The following PSG1 variants were observed in gnomAD, a reference collection of about 807,000 sequenced individuals.
PSG1 encodes the protein pregnancy-specific beta-1-glycoprotein 1.
Under a neutral mutation model 41.4 loss-of-function variants are expected in PSG1, and 60 were observed. The ratio of observed to expected loss-of-function variants is 1.45; its 90% CI spans 1.18 to 1.80. The LOEUF is 1.80. Ranked by LOEUF, PSG1 falls within the 40% of genes most tolerant of loss-of-function variation. The probability of loss-of-function intolerance (pLI) is 0.00; values close to 1 mark genes in which losing one functional copy is unlikely to be tolerated. For missense variants in PSG1, 806 were observed against 516.9 expected (o/e 1.56, Z -5.42); for synonymous variants, 256 against 192.9 (o/e 1.33, Z -2.71).
chr19:42,868,882 G>C lies in PSG1; in HGVS notation c.862C>G (p.Arg288Gly), dbSNP rs12986075. ...QSLPVSPRVK[R>G]PIENRILILP... is the part of the protein sequence containing the mutation. ...ATGAGGATCCTGTTTTCAATGGGTC[G>C]CTTTACCCTGGGACTGACCGGGAGG... The change falls in exon 4 of 6, where the codon CGA becomes GGA. Residue 288 changes from arginine (R) to glycine (G), a missense_variant. Arg to Gly is a moderately radical substitution (Grantham distance 125). Transcript: ENST00000436291. The C allele has an allele frequency of 1.9e-6, 3 of 1,610,326 alleles. No individual in the cohort carries two copies. The South Asian group carries it at 3.3e-5, about 18-fold the overall frequency.
rs758859917 is a variant in PSG1 at position 42,867,059 on chromosome 19, G to C, written c.*75C>G. On this transcript the variant is annotated 3_prime_UTR_variant, in exon 6 of 6. Coordinates refer to ENST00000436291, the MANE Select transcript of PSG1 (RefSeq NM_001184825.2). ...TTGAGTTGTCCACCTCCAGCTTATA[G>C]GGCTTCTGGAACAGAGTGGGTCTTG... 1.3e-6 allele frequency: 1 copy of C among 771,772 alleles called. No homozygotes were observed. Among genetic ancestry groups the C allele is most frequent in the South Asian group, 1.3e-5 (1 of 74,370 alleles). 47.8% of individuals were successfully genotyped at this position (771,772 alleles called of 1,614,324 possible).
At position 42,879,237 on chromosome 19, in the gene PSG1, C is replaced by T. The variant is rs187719560; in HGVS notation, c.64+281G>A. 1.5e-4 allele frequency among the ~76,000 whole-genome samples: 22 copies of T among 149,488 alleles called. 2 individuals carry two copies. The highest frequency in any genetic ancestry group is 5.0e-4 in the African/African-American group (20 of 40,382). ...GTGCTATCTCAGCTATCTGCAACTT[C>T]TGCCTCCCGGGTTCACGTGATTCTC... On this transcript the variant is annotated intron_variant, in intron 1 of 5. Coordinates refer to ENST00000436291, the MANE Select transcript of PSG1 (RefSeq NM_001184825.2).
At chr19:42,873,700 C>A (rs1176850204) in intron 2 of PSG1, among the ~76,000 whole-genome samples, 1 of 151,524 alleles carries the variant, frequency 6.6e-6, no homozygotes, top group East Asian at 1.9e-4. Flanking sequence ...TAGAGAGAGT[C>A]CCATTGAAAG....
At chr19:42,877,186 G>A (rs1057341859) in intron 2 of PSG1, among the ~76,000 whole-genome samples, 5 of 151,658 alleles carry the variant, frequency 3.3e-5, no homozygotes, top group African/African-American at 1.2e-4. Context: ...CTGTGGACAA[G>A]CTGCTACCTG....
At chr19:42,867,884 T>A (rs1971199381) in intron 5 of PSG1, 1 of 1,406,812 alleles carries the variant, frequency 7.1e-7, no homozygotes. Flanking sequence ...ATGTTCTTCC[T>A]GCTTGGTCTA....
At chr19:42,867,653 A>ATAGT in intron 5 of PSG1, 1 of 749,706 alleles carries the variant, frequency 1.3e-6, no homozygotes, top group Non-Finnish European at 2.4e-6. Flanking sequence ...ATTCTCATGA[A>ATAGT]TAGTTGCCCA....
Position 42,868,165 on chromosome 19 carries a change from A to G in PSG1, c.1179T>C (p.Val393=), listed in dbSNP as rs368993574. 6.2e-7 allele frequency: 1 copy of G among 1,612,316 alleles called. No individual in the cohort carries two copies. The highest frequency in any genetic ancestry group is 1.3e-5 in the African/African-American group (1 of 74,698). Reference sequence around the variant, plus strand: ...CAGTGGCTGAGTTACGAACAGAGCAAACATAGAGCCCGCTATGCTTTGTAG... The same window carrying G: ...CAGTGGCTGAGTTACGAACAGAGCAGACATAGAGCCCGCTATGCTTTGTAG... ...HITTKHSGLY[V]CSVRNSATGK... is the part of the protein sequence containing the mutation. Residue 393 remains valine (V), a synonymous_variant, in exon 5 of 6, where the codon GTT becomes GTC. Coordinates refer to ENST00000436291, the MANE Select transcript of PSG1 (RefSeq NM_001184825.2).
In PSG1 at chr19:42,877,131, T is replaced by C. The variant is rs534933084; in HGVS notation, c.430+782A>G. Among the ~76,000 whole-genome samples, 74 of 151,824 alleles carry C rather than the reference T, an allele frequency of 4.9e-4. 1 individual carries two copies. Among genetic ancestry groups the C allele is most frequent in the Non-Finnish European group, 6.5e-4 (44 of 67,910 alleles). On this transcript the variant is annotated intron_variant, in intron 2 of 5. Coordinates refer to ENST00000436291, the MANE Select transcript of PSG1 (RefSeq NM_001184825.2). The stretch of plus-strand genomic sequence containing the variant: ...GTGGAGGTTTCACACAAACAGCATT[T>C]ATTATTAATTTGCTTCCATGAGAAA...
At chr19:42,872,835 A>T (rs1165281325) in intron 2 of PSG1, among the ~76,000 whole-genome samples, 1 of 151,860 alleles carries the variant, frequency 6.6e-6, no homozygotes, top group Admixed American at 6.6e-5. Context: ...TTCTAGAAAT[A>T]CATGTGGATC....
chr19:42,876,514 A>C (rs756546115), intron 2 of PSG1, among the ~76,000 whole-genome samples: 1 of 151,154 alleles, frequency 6.6e-6, no homozygotes, highest in Non-Finnish European at 1.5e-5. Context: ...TGGATCATTC[A>C]TTTCTTCATT....
At chr19:42,878,839 T>C (rs1374162721) in intron 1 of PSG1, among the ~76,000 whole-genome samples, 2 of 151,464 alleles carry the variant, frequency 1.3e-5, no homozygotes, top group Non-Finnish European at 2.9e-5. Flanking sequence ...TGCAGACTCC[T>C]GTAGATGTGA....
At chr19:42,878,396 C>T (rs1264385127) in intron 1 of PSG1, 118 bp from the exon 2 acceptor site, 16 of 1,381,638 alleles carry the variant, frequency 1.2e-5, no homozygotes, top group Non-Finnish European at 1.6e-5. Flanking sequence ...CAGACACACA[C>T]ACACATACAA....
rs1377765809 is a variant in PSG1 at position 42,868,352 on chromosome 19, C to A, written c.992G>T (p.Gly331Val). Residue 331 changes from glycine (G) to valine (V), a missense_variant, in exon 5 of 6, where the codon GGT becomes GTT. Transcript: ENST00000436291. Reference sequence around the variant, plus strand: ...AGGGTAAATTCTGGGGAGGTCTGGACCATCTGGAGCAAAGAGAATAAAGCC... The same window carrying A: ...AGGGTAAATTCTGGGGAGGTCTGGAACATCTGGAGCAAAGAGAATAAAGCC... Reference protein sequence around the residue: ...SDPVTLNVLYGPDLPRIYPSF... With the variant: ...SDPVTLNVLYVPDLPRIYPSF... The A allele has an allele frequency of 6.2e-7, 1 of 1,606,280 alleles. No individual in the cohort carries two copies. Among genetic ancestry groups the A allele is most frequent in the East Asian group, 2.2e-5 (1 of 44,704 alleles).
In PSG1 at chr19:42,873,241, T is replaced by C. The variant is rs149334160; in HGVS notation, c.431-1196A>G. ...GAAACTAAGTGTTTTGGATGTCTAA[T>C]TATTTTTTTATTTTGGAATATTTGC... is the stretch of plus-strand genomic sequence containing the variant. On this transcript the variant is annotated intron_variant, in intron 2 of 5. Coordinates refer to ENST00000436291, the MANE Select transcript of PSG1 (RefSeq NM_001184825.2). Among the ~76,000 whole-genome samples, 623 of 151,806 alleles carry C rather than the reference T, an allele frequency of 4.1e-3. 20 individuals carry two copies. Among genetic ancestry groups the C allele is most frequent in the African/African-American group, 0.015 (610 of 41,388 alleles).
intron 2 of PSG1, among the ~76,000 whole-genome samples, 172 bp from the exon 3 acceptor site, chr19:42,872,217 TTG>T (rs1419437729): frequency 6.6e-6 from 1 of 151,460 alleles, no homozygotes; most frequent in Non-Finnish European, 1.5e-5. Context: ...GGCTCAGAGA[TTG>T]TGAGGCTGCC....
In PSG1 at chr19:42,879,583, G is replaced by A. The variant is rs754217254; in HGVS notation, c.-2C>T. 1 of 1,610,290 alleles carries A rather than the reference G, an allele frequency of 6.2e-7. No individual in the cohort carries two copies. Among genetic ancestry groups the A allele is most frequent in the East Asian group, 2.2e-5 (1 of 44,630 alleles). ...GGGAGGGGCTGAGAGGGTTCCCATG[G>A]TCTCTGCTGCTTGTGTGTTCTCCTC... On this transcript the variant is annotated 5_prime_UTR_variant, in exon 1 of 6. Coordinates refer to ENST00000436291, the MANE Select transcript of PSG1 (RefSeq NM_001184825.2).
In PSG1 at chr19:42,868,176, C is replaced by T. The variant is rs373701196; in HGVS notation, c.1168G>A (p.Gly390Arg). The T allele has an allele frequency of 3.7e-5, 59 of 1,612,192 alleles. 1 individual carries two copies. Among genetic ancestry groups the T allele is most frequent in the Admixed American group, 1.2e-4 (7 of 59,852 alleles). Reference protein sequence around the residue: ...FIRHITTKHSGLYVCSVRNSA... With the variant: ...FIRHITTKHSRLYVCSVRNSA... ...TTACGAACAGAGCAAACATAGAGCCCGCTATGCTTTGTAGTAATATGGCGG... is the reference window on the plus strand; with the variant it reads ...TTACGAACAGAGCAAACATAGAGCCTGCTATGCTTTGTAGTAATATGGCGG... The change falls in exon 5 of 6, where the codon GGG becomes AGG. Residue 390 changes from glycine (G) to arginine (R), a missense_variant. By Grantham distance (125) the Gly-to-Arg change is moderately radical. Coordinates refer to ENST00000436291, the MANE Select transcript of PSG1 (RefSeq NM_001184825.2).
intron 3 of PSG1, chr19:42,870,450 G>C (rs1179182971): frequency 1.3e-5 from 2 of 151,476 alleles, no homozygotes; most frequent in African/African-American, 4.9e-5. Context: ...GAATTCCACA[G>C]TGGCCATGCT....
At position 42,879,562 on chromosome 19, in the gene PSG1, G is replaced by C; in HGVS notation, c.20C>G (p.Pro7Arg). The C allele has an allele frequency of 1.9e-6, 3 of 1,610,742 alleles. No homozygotes were observed. The highest frequency in any genetic ancestry group is 2.5e-6 in the Non-Finnish European group (3 of 1,178,322). The change falls in exon 1 of 6, where the codon CCT becomes CGT. Residue 7 changes from proline (P) to arginine (R), a missense_variant. Transcript: ENST00000436291. Reference sequence around the variant, plus strand: ...CCATTTGATGCGCTGTGTGCAGGGAGGGGCTGAGAGGGTTCCCATGGTCTC... The same window carrying C: ...CCATTTGATGCGCTGTGTGCAGGGACGGGCTGAGAGGGTTCCCATGGTCTC... MGTLSA[P>R]PCTQRIKWKG... is the part of the protein sequence containing the mutation.
Sources: allele counts gnomAD v4.1 joint callset (sites outside exome capture counted in the v4.1 genomes callset), GRCh38; gene constraint gnomAD v4.1.1; transcripts MANE v1.5; gene names NCBI Gene and HGNC (gene_info 2026-07-23, HGNC 2026-07-21).